LY9: variants seen among roughly 807,000 people sequenced by gnomAD.
LY9 encodes T-lymphocyte surface antigen Ly-9.
LY9 carries 59 observed loss-of-function variants against 64.6 expected under a neutral mutation model. That is an observed-to-expected ratio of 0.91 (90% CI 0.74 to 1.13). LY9 has a LOEUF of 1.13. Among genes scored for constraint, LY9 ranks in the 50% most tolerant of loss-of-function variants. LY9 has a pLI of 0.00. For synonymous variants in LY9, 281 were observed against 308.5 expected (o/e 0.91, Z 0.93); for missense variants, 789 against 797.2 (o/e 0.99, Z 0.12).
At chr1:160,796,819 C>G (rs1448590224) in intron 1 of LY9, among the ~76,000 whole-genome samples, 1 of 152,168 alleles carries the variant, frequency 6.6e-6, no homozygotes, top group Non-Finnish European at 1.5e-5. Context: ...TTCTCTTGCC[C>G]TCACATTTTC....
Position 160,800,014 on chromosome 1 carries a change from A to T in LY9, c.386A>T (p.Tyr129Phe). The T allele has an allele frequency of 6.2e-7, 1 of 1,614,226 alleles. No homozygotes were observed. The highest frequency in any genetic ancestry group is 8.5e-7 in the Non-Finnish European group (1 of 1,180,030). ...SNLTLNDAGS[Y>F]KAQINQRNFE... ...CTGACTCTGAATGATGCAGGATCCT[A>T]CAAAGCCCAGATAAACCAAAGGAAT... is the stretch of plus-strand genomic sequence containing the variant. Residue 129 changes from tyrosine to phenylalanine, a missense_variant, in exon 2 of 10, where the codon TAC becomes TTC. Physicochemically the swap from Tyr to Phe is conservative, Grantham distance 22. Coordinates refer to ENST00000263285, the MANE Select transcript of LY9 (RefSeq NM_002348.4).
At chr1:160,807,582 G>A (rs1667097406) in intron 2 of LY9, among the ~76,000 whole-genome samples, 1 of 152,204 alleles carries the variant, frequency 6.6e-6, no homozygotes, top group Admixed American at 6.5e-5. Flanking sequence ...GGACTGAAGG[G>A]TGGTGAGCAG....
At chr1:160,823,926 C>A in intron 8 of LY9, 130 bp downstream of exon 8, 1 of 797,254 alleles carries the variant, frequency 1.3e-6, no homozygotes, top group Non-Finnish European at 2.0e-6. Flanking sequence ...CGGGCAGGGA[C>A]TCATGGCTGT....
intron 7 of LY9, among the ~76,000 whole-genome samples, chr1:160,821,398 T>G (rs1424725107): frequency 6.6e-6 from 1 of 152,198 alleles, no homozygotes; most frequent in African/African-American, 2.4e-5. Flanking sequence ...AAACCTTGCT[T>G]TTTGATCTTA....
intron 2 of LY9, among the ~76,000 whole-genome samples, chr1:160,806,429 A>C (rs1043890764): frequency 6.6e-6 from 1 of 152,160 alleles, no homozygotes; most frequent in Non-Finnish European, 1.5e-5. Context: ...CATTTCTTGT[A>C]AGACCCCATC....
chr1:160,818,892 C>T (rs965875373), intron 6 of LY9, among the ~76,000 whole-genome samples: 4 of 152,162 alleles, frequency 2.6e-5, no homozygotes, highest in African/African-American at 9.7e-5. Flanking sequence ...CATGTGGCTG[C>T]TGCTTGGACC....
intron 9 of LY9, 135 bp from the exon 10 acceptor site, chr1:160,827,613 A>T (rs1173878484): frequency 1.6e-6 from 1 of 612,026 alleles, no homozygotes; most frequent in East Asian, 3.0e-5. Flanking sequence ...TGATTGCGCC[A>T]TCCCTGGGCC....
At position 160,823,685 on chromosome 1, in the gene LY9, TG is replaced by T. The variant is rs752021267; in HGVS notation, c.1720del (p.Asp574ThrfsTer168). ...DQVTQEGAGH[D>X]PAPEGQADYD... Reference sequence around the variant, plus strand: ...AGGTCACTCAGGAGGGCGCTGGACATGACCCAGCCCCTGAGGGCCAAGCAGA... The same window carrying T: ...AGGTCACTCAGGAGGGCGCTGGACATACCCAGCCCCTGAGGGCCAAGCAGA... On this transcript the variant is annotated frameshift_variant, in exon 8 of 10. Coordinates refer to ENST00000263285, the MANE Select transcript of LY9 (RefSeq NM_002348.4). LOFTEE classifies it high-confidence loss of function. 1 of 1,613,986 alleles carries T rather than the reference TG, an allele frequency of 6.2e-7. No homozygotes were observed. The highest frequency in any genetic ancestry group is 8.5e-7 in the Non-Finnish European group (1 of 1,179,896).
At chr1:160,819,844 GAA>G (rs1668261349) in intron 7 of LY9, among the ~76,000 whole-genome samples, 8 of 95,960 alleles carry the variant, frequency 8.3e-5, no homozygotes, top group South Asian at 3.9e-4. Context: ...AGAAAGGAAG[GAA>G]GGAAGGAAGG....
Position 160,801,958 on chromosome 1 carries a change from C to G in LY9, c.454+1876C>G, listed in dbSNP as rs776807921. Reference sequence around the variant, plus strand: ...TGCCACTGGAGACCGCTCCGCCATCCCCACCTCACCGCCGCGCAGCAGAGC... The same window carrying G: ...TGCCACTGGAGACCGCTCCGCCATCGCCACCTCACCGCCGCGCAGCAGAGC... On this transcript the variant is annotated intron_variant, in intron 2 of 9. Coordinates refer to ENST00000263285, the MANE Select transcript of LY9 (RefSeq NM_002348.4). 6 of 1,607,138 alleles carry G rather than the reference C, an allele frequency of 3.7e-6. No individual in the cohort carries two copies. The South Asian group carries it at 5.5e-5, about 15-fold the overall frequency.
Position 160,816,861 on chromosome 1 carries a change from C to A in LY9, c.1340C>A (p.Ser447Ter). 1 of 1,614,166 alleles carries A rather than the reference C, an allele frequency of 6.2e-7. No individual in the cohort carries two copies. The highest frequency in any genetic ancestry group is 1.1e-5 in the South Asian group (1 of 91,076). ...CAGTTTCTTTCTGAGAACATCTGTT[C>A]AGGTTTCTCTCCATCTCTATTTACT... ...SHQFLSENIC[S>*]GPERNTKLWI... Residue 447 changes from serine to a stop codon, truncating the protein, a stop_gained and splice_region_variant, in exon 5 of 10, where the codon TCA (serine) becomes TAA (stop). Transcript: ENST00000263285. LOFTEE classifies it high-confidence loss of function.
Position 160,813,827 on chromosome 1 carries a change from C to A in LY9, c.646C>A (p.Pro216Thr). 1 of 1,614,196 alleles carries A rather than the reference C, an allele frequency of 6.2e-7. No homozygotes were observed. Among genetic ancestry groups the A allele is most frequent in the South Asian group, 1.1e-5 (1 of 91,088 alleles). ...TACCGTCTCCCGAACACCATGTGACCCAGACCTGCCATACATCTGCACAGC... is the reference window on the plus strand; with the variant it reads ...TACCGTCTCCCGAACACCATGTGACACAGACCTGCCATACATCTGCACAGC... ...ILTVSRTPCD[P>T]DLPYICTAQN... Residue 216 changes from proline to threonine, a missense_variant, in exon 3 of 10, where the codon CCA becomes ACA. By Grantham distance (38) the Pro-to-Thr change is conservative. Coordinates refer to ENST00000263285, the MANE Select transcript of LY9 (RefSeq NM_002348.4).
intron 7 of LY9, among the ~76,000 whole-genome samples, chr1:160,822,589 A>G (rs535214757): frequency 7.9e-5 from 12 of 152,304 alleles, no homozygotes; most frequent in Non-Finnish European, 1.5e-4. Context: ...CTGCTTTTCA[A>G]TAAAAAGAAA....
chr1:160,806,911 T>C (rs1667038956), intron 2 of LY9, among the ~76,000 whole-genome samples: 2 of 152,182 alleles, frequency 1.3e-5, no homozygotes, highest in African/African-American at 4.8e-5. Context: ...TTTAGCTCAT[T>C]CTTTTTTATT....
intron 2 of LY9, among the ~76,000 whole-genome samples, chr1:160,805,295 G>GT (rs959613784): frequency 7.0e-4 from 99 of 142,222 alleles, no homozygotes; most frequent in African/African-American, 1.0e-3. Flanking sequence ...GGTATGTTGT[G>GT]TTTTTTTTTT....
chr1:160,810,792 G>C (rs1667413399), intron 2 of LY9: 1 of 152,184 alleles, frequency 6.6e-6, no homozygotes, highest in African/African-American at 2.4e-5. Context: ...GGTGAGACTT[G>C]AGATATGATT....
Position 160,796,906 on chromosome 1 carries a change from C to G in LY9, c.124+595C>G, listed in dbSNP as rs144037605. On this transcript the variant is annotated intron_variant, in intron 1 of 9. Coordinates refer to ENST00000263285, the MANE Select transcript of LY9 (RefSeq NM_002348.4). ...AACCCACAGAGGGATCCAGGAAAAT[C>G]CCCTGATGAGAAGCCACCTAGCAAT... 1.5e-3 allele frequency among the ~76,000 whole-genome samples: 224 copies of G among 152,236 alleles called. 8 individuals are homozygous for G. The East Asian group carries it at 0.04, about 27-fold the overall frequency.
chr1:160,817,072 T>C (rs1186385968), intron 5 of LY9, among the ~76,000 whole-genome samples: 5 of 152,252 alleles, frequency 3.3e-5, no homozygotes, highest in Admixed American at 3.3e-4. Context: ...AAAGTTATTT[T>C]AATAATATGT....
Position 160,819,379 on chromosome 1 carries a change from C to A in LY9, c.1498+5C>A. On this transcript the variant is annotated splice_donor_5th_base_variant and intron_variant, in intron 7 of 9. Coordinates refer to ENST00000263285, the MANE Select transcript of LY9 (RefSeq NM_002348.4). ...AGGCCCCAGCGGATACACCAGGTAA[C>A]ATCACCCATGACACAGGCTATGGGG... 1 of 1,612,298 alleles carries A rather than the reference C, an allele frequency of 6.2e-7. No individual in the cohort carries two copies. Among genetic ancestry groups the A allele is most frequent in the Non-Finnish European group, 8.5e-7 (1 of 1,178,438 alleles).
Sources: allele counts gnomAD v4.1 joint callset (sites outside exome capture counted in the v4.1 genomes callset), GRCh38; gene constraint gnomAD v4.1.1; transcripts MANE v1.5; gene names NCBI Gene and HGNC (gene_info 2026-07-23, HGNC 2026-07-21).